The following ANTXR1 variants were observed in gnomAD, a reference collection of about 807,000 sequenced individuals.
ANTXR1 encodes the protein anthrax toxin receptor 1.
A neutral mutation model predicts 78.1 loss-of-function variants in ANTXR1; 19 were observed. The observed-to-expected ratio is 0.24, with a 90% CI of 0.17 to 0.36. ANTXR1 has a LOEUF of 0.36. Among genes scored for constraint, ANTXR1 ranks in the 10% least tolerant of loss-of-function variants. ANTXR1 has a pLI of 1.00. For synonymous variants in ANTXR1, 273 were observed against 260.5 expected (o/e 1.05, Z -0.46); for missense variants, 518 against 718.6 (o/e 0.72, Z 3.19).
At chr2:69,019,576 A>G (rs1558729239) in intron 1 of ANTXR1, among the ~76,000 whole-genome samples, 1 of 151,906 alleles carries the variant, frequency 6.6e-6, no homozygotes, top group Admixed American at 6.6e-5. Context: ...AAACCTGCGC[A>G]TCCTGCATAT....
At chr2:69,031,926 C>T (rs998604207) in intron 1 of ANTXR1, among the ~76,000 whole-genome samples, 4 of 152,126 alleles carry the variant, frequency 2.6e-5, no homozygotes, top group Non-Finnish European at 4.4e-5. Flanking sequence ...TGGATGTCTC[C>T]GACTGACCAG....
intron 12 of ANTXR1, chr2:69,146,075 A>C: frequency 1.0e-6 from 1 of 985,480 alleles, no homozygotes; most frequent in Non-Finnish European, 1.2e-6. Context: ...AGAGAATGTC[A>C]TCCCTAATGA....
intron 17 of ANTXR1, among the ~76,000 whole-genome samples, chr2:69,215,579 T>C (rs185801131): frequency 3.3e-5 from 5 of 152,382 alleles, no homozygotes; most frequent in Admixed American, 2.0e-4. Flanking sequence ...TGAATAATTA[T>C]TGAATTAACA....
intron 17 of ANTXR1, among the ~76,000 whole-genome samples, chr2:69,211,436 A>G (rs1300497416): frequency 1.3e-5 from 2 of 152,024 alleles, no homozygotes; most frequent in Non-Finnish European, 2.9e-5. Flanking sequence ...ACATAAGGGA[A>G]TTTTTACTCC....
intron 6 of ANTXR1, 73 bp downstream of exon 6, chr2:69,073,174 C>G (rs1573842453): frequency 3.7e-6 from 5 of 1,350,936 alleles, no homozygotes; most frequent in South Asian, 1.2e-5. Context: ...GGGCCACACT[C>G]TCTCTATTCA....
intron 16 of ANTXR1, among the ~76,000 whole-genome samples, chr2:69,184,053 A>G (rs1024721374): frequency 9.6e-6 from 1 of 104,638 alleles, no homozygotes; most frequent in Non-Finnish European, 1.7e-5. Flanking sequence ...ATCCATACAC[A>G]TACACACACT....
chr2:69,176,832 G>C (rs1359521132), intron 14 of ANTXR1, among the ~76,000 whole-genome samples: 1 of 152,156 alleles, frequency 6.6e-6, no homozygotes, highest in East Asian at 1.9e-4. Context: ...CCTTTTCATT[G>C]ATAGTTCCTA....
intron 9 of ANTXR1, among the ~76,000 whole-genome samples, chr2:69,102,620 G>A (rs1387045666): frequency 2.0e-5 from 3 of 152,214 alleles, no homozygotes; most frequent in Non-Finnish European, 2.9e-5. Flanking sequence ...AAAAGGGTGG[G>A]AATTCAAATA....
At chr2:69,015,220 G>C (rs1670987017) in intron 1 of ANTXR1, among the ~76,000 whole-genome samples, 1 of 143,354 alleles carries the variant, frequency 7.0e-6, no homozygotes, top group Non-Finnish European at 1.5e-5. Flanking sequence ...AGTTCTGAAA[G>C]AGTTTGTTTT....
chr2:69,245,193 C>A, intron 17 of ANTXR1, 32 bp from the exon 18 acceptor site: 1 of 1,613,970 alleles, frequency 6.2e-7, no homozygotes, highest in Non-Finnish European at 8.5e-7. Flanking sequence ...AGGCCGTCCG[C>A]TCACGTTTCC....
intron 12 of ANTXR1, 42 bp from the exon 13 acceptor site, chr2:69,152,127 G>T (rs780796910): frequency 1.3e-6 from 2 of 1,581,010 alleles, no homozygotes; most frequent in Non-Finnish European, 1.7e-6. Flanking sequence ...GATCACACAT[G>T]GTCCCATCCC....
At chr2:69,223,034 A>C (rs1675359913) in intron 17 of ANTXR1, among the ~76,000 whole-genome samples, 2 of 152,076 alleles carry the variant, frequency 1.3e-5, no homozygotes, top group Non-Finnish European at 2.9e-5. Flanking sequence ...AGCATGTCCC[A>C]CCTTTTGGGG....
chr2:69,093,864 A>G lies in ANTXR1; in HGVS notation c.703+2945A>G, dbSNP rs186024095. ...TAAACTATCCAATCATATTATCTTT[A>G]TTTCTTATAGAGAAAAAATTAAAAC... On this transcript the variant is annotated intron_variant, in intron 9 of 17. Transcript: ENST00000303714. 1.9e-3 allele frequency among the ~76,000 whole-genome samples: 292 copies of G among 152,300 alleles called. 1 individual carries two copies. The highest frequency in any genetic ancestry group is 2.4e-3 in the Non-Finnish European group (162 of 68,018).
At chr2:69,178,569 CA>C (rs1178787277) in intron 14 of ANTXR1, among the ~76,000 whole-genome samples, 2 of 138,322 alleles carry the variant, frequency 1.4e-5, no homozygotes, top group African/African-American at 3.5e-5. Flanking sequence ...AGGGAGGGGC[CA>C]GGGGCAAGAG....
rs77134925 is a variant in ANTXR1, at chr2:69,240,856, G to A, written c.1435-4369G>A. 2.7e-3 allele frequency among the ~76,000 whole-genome samples: 412 copies of A among 152,194 alleles called. 9 individuals are homozygous for A. The East Asian group carries it at 0.032, about 12-fold the overall frequency. ...AAAATACTGATACATAACTGACAGA[G>A]TTTTGATGATAAGTAAAGACACTAA... On this transcript the variant is annotated intron_variant, in intron 17 of 17. Transcript: ENST00000303714.
intron 8 of ANTXR1, 52 bp downstream of exon 8, chr2:69,077,540 G>GA: frequency 6.3e-7 from 1 of 1,578,120 alleles, no homozygotes; most frequent in Non-Finnish European, 8.7e-7. Flanking sequence ...TTCCGTCTCT[G>GA]ATCTGCTATT....
At chr2:69,112,940 G>A (rs922312733) in intron 10 of ANTXR1, among the ~76,000 whole-genome samples, 1 of 152,196 alleles carries the variant, frequency 6.6e-6, no homozygotes, top group African/African-American at 2.4e-5. Flanking sequence ...GCCACCAGAG[G>A]TAACTAGGTG....
chr2:69,196,071 A>G (rs1041031614), intron 17 of ANTXR1, among the ~76,000 whole-genome samples: 4 of 152,224 alleles, frequency 2.6e-5, no homozygotes, highest in African/African-American at 9.6e-5. Context: ...TCCAAGAACA[A>G]TGGAATGAAA....
chr2:69,210,023 T>G (rs911928173), intron 17 of ANTXR1, among the ~76,000 whole-genome samples: 1 of 152,148 alleles, frequency 6.6e-6, no homozygotes, highest in African/African-American at 2.4e-5. Flanking sequence ...GTGACAAGGT[T>G]GGAGTCCCGG....
Sources: allele counts gnomAD v4.1 joint callset (sites outside exome capture counted in the v4.1 genomes callset), GRCh38; gene constraint gnomAD v4.1.1; transcripts MANE v1.5; gene names NCBI Gene and HGNC (gene_info 2026-07-23, HGNC 2026-07-21).